Variants in COMMD10 observed in about 807,000 individuals in gnomAD.
The protein encoded by COMMD10 is COMM domain-containing protein 10.
COMMD10 carries 33 observed loss-of-function variants against 28.9 expected under a neutral mutation model. The observed-to-expected ratio is 1.14, with a 90% CI of 0.87 to 1.53. The LOEUF (loss-of-function observed/expected upper bound fraction) is 1.53, where lower values mean the gene tolerates loss of function less well. Ranked by LOEUF, COMMD10 falls within the 40% of genes most tolerant of loss-of-function variation. The pLI is 0.00. For synonymous variants in COMMD10, 110 were observed against 81.7 expected, an observed-to-expected ratio of 1.35 and a Z score of -1.87; for missense variants, 310 against 233.4, an observed-to-expected ratio of 1.33 and a Z score of -2.14.
At chr5:116,177,649 A>G (rs893589978) in intron 5 of COMMD10, among the ~76,000 whole-genome samples, 1 of 151,914 alleles carries the variant, frequency 6.6e-6, no homozygotes, top group East Asian at 1.9e-4. Flanking sequence ...CAATTTTTCA[A>G]AGATTTTCAA....
intron 5 of COMMD10, among the ~76,000 whole-genome samples, chr5:116,156,006 T>G (rs562508374): frequency 1.3e-5 from 2 of 152,218 alleles, no homozygotes; most frequent in Admixed American, 6.5e-5. Context: ...GATTACTATT[T>G]GTGGTTTCTT....
intron 5 of COMMD10, among the ~76,000 whole-genome samples, chr5:116,262,163 C>T (rs990262974): frequency 2.0e-5 from 3 of 151,624 alleles, no homozygotes; most frequent in African/African-American, 7.3e-5. Flanking sequence ...CTATACTATT[C>T]TGATGAGTGT....
At chr5:116,106,759 G>C (rs1276024127) in intron 4 of COMMD10, among the ~76,000 whole-genome samples, 1 of 152,148 alleles carries the variant, frequency 6.6e-6, no homozygotes, top group Non-Finnish European at 1.5e-5. Context: ...TTTGATCTTT[G>C]TTGGTTTAAA....
intron 4 of COMMD10, among the ~76,000 whole-genome samples, chr5:116,121,910 A>T (rs996729283): frequency 6.6e-6 from 1 of 152,114 alleles, no homozygotes; most frequent in Admixed American, 6.5e-5. Context: ...AGATTGCACA[A>T]ATTTTCTCCC....
At chr5:116,143,800 T>TA (rs1294105284) in intron 5 of COMMD10, among the ~76,000 whole-genome samples, 1 of 151,890 alleles carries the variant, frequency 6.6e-6, no homozygotes, top group Non-Finnish European at 1.5e-5. Context: ...AAATAGTTTT[T>TA]AAGCATTTAC....
chr5:116,117,668 G>A (rs1280439144), intron 4 of COMMD10, among the ~76,000 whole-genome samples: 6 of 151,994 alleles, frequency 3.9e-5, no homozygotes, highest in South Asian at 4.2e-4. Flanking sequence ...GTTTCACCAT[G>A]TTGGCCAGGC....
intron 5 of COMMD10, among the ~76,000 whole-genome samples, chr5:116,222,002 C>G (rs1024506304): frequency 6.6e-6 from 1 of 152,088 alleles, no homozygotes; most frequent in Non-Finnish European, 1.5e-5. Context: ...CTTTAGTTAC[C>G]AGGAGTGGAT....
At chr5:116,289,035 C>G (rs774441691) in intron 5 of COMMD10, among the ~76,000 whole-genome samples, 2 of 151,374 alleles carry the variant, frequency 1.3e-5, no homozygotes, top group Non-Finnish European at 2.9e-5. Context: ...GTGCATGCCA[C>G]CATGCCTGGC....
intron 4 of COMMD10, among the ~76,000 whole-genome samples, chr5:116,108,462 C>T (rs528425871): frequency 1.2e-4 from 18 of 152,074 alleles, no homozygotes; most frequent in African/African-American, 2.2e-4. Context: ...CTGCCCAGTT[C>T]GAACTCTCTG....
intron 5 of COMMD10, among the ~76,000 whole-genome samples, chr5:116,259,910 C>A (rs939222170): frequency 1.3e-5 from 2 of 151,666 alleles, no homozygotes; most frequent in African/African-American, 2.4e-5. Flanking sequence ...ATAGCAGACT[C>A]ACACTTTCTT....
At position 116,280,719 on chromosome 5, in the gene COMMD10, A is replaced by C. The variant is rs560782628; in HGVS notation, c.511-10798A>C. On this transcript the variant is annotated intron_variant, in intron 5 of 6. Transcript: ENST00000274458. ...TAGCCTATGGTGGAGCTGAAATTAT[A>C]TCTCTAGGTTTTTGAACAATGATGC... 1.5e-4 allele frequency among the ~76,000 whole-genome samples: 23 copies of C among 152,014 alleles called. 1 individual carries two copies. Among genetic ancestry groups the C allele is most frequent in the African/African-American group, 5.6e-4 (23 of 41,324 alleles).
At chr5:116,158,123 TCCCTCCCTCCCTTC>T (rs1344741191) in intron 5 of COMMD10, among the ~76,000 whole-genome samples, 7 of 131,784 alleles carry the variant, frequency 5.3e-5, no homozygotes, top group East Asian at 2.2e-4. Context: ...GATTCCTTCC[TCCCTCCCTCCCTTC>T]CCCTCCCTCC....
intron 5 of COMMD10, among the ~76,000 whole-genome samples, chr5:116,151,936 T>G (rs933281929): frequency 6.6e-6 from 1 of 152,186 alleles, no homozygotes; most frequent in Non-Finnish European, 1.5e-5. Flanking sequence ...CTAGTTGTTT[T>G]AATTGTGATG....
At chr5:116,114,822 T>C (rs1008114316) in intron 4 of COMMD10, among the ~76,000 whole-genome samples, 1 of 152,236 alleles carries the variant, frequency 6.6e-6, no homozygotes. Context: ...TCCTGTAGTT[T>C]AGTCGGACTG....
At chr5:116,288,416 G>A (rs1751277617) in intron 5 of COMMD10, among the ~76,000 whole-genome samples, 1 of 151,736 alleles carries the variant, frequency 6.6e-6, no homozygotes, top group Admixed American at 6.6e-5. Flanking sequence ...ATGTTTCTTA[G>A]TATGGTTATC....
At chr5:116,176,043 C>T (rs995080664) in intron 5 of COMMD10, among the ~76,000 whole-genome samples, 1 of 134,348 alleles carries the variant, frequency 7.4e-6, no homozygotes, top group African/African-American at 3.7e-5. Flanking sequence ...GTATATTTTA[C>T]CACAATTTAG....
chr5:116,107,144 G>A (rs1380466947), intron 4 of COMMD10, among the ~76,000 whole-genome samples: 1 of 151,938 alleles, frequency 6.6e-6, no homozygotes, highest in African/African-American at 2.4e-5. Flanking sequence ...TGAATCTGAC[G>A]ATTATGTGTC....
intron 5 of COMMD10, among the ~76,000 whole-genome samples, chr5:116,176,103 T>A (rs1472912151): frequency 6.6e-6 from 1 of 152,164 alleles, no homozygotes; most frequent in Non-Finnish European, 1.5e-5. Flanking sequence ...GTTGGCTTTT[T>A]GGACTTATTC....
chr5:116,215,270 C>T, intron 5 of COMMD10, among the ~76,000 whole-genome samples: 1 of 151,952 alleles, frequency 6.6e-6, no homozygotes, highest in South Asian at 2.1e-4. Context: ...ACATTTTATA[C>T]AGATGTAAGT....
Sources: gnomAD v4.1 joint callset for allele counts (sites outside exome capture counted in the v4.1 genomes callset) on GRCh38, gnomAD v4.1.1 for gene constraint, MANE v1.5 for transcripts, NCBI Gene and HGNC (gene_info 2026-07-23, HGNC 2026-07-21) for gene names.